The following ASIC1 variants were observed in gnomAD, a reference collection of about 807,000 sequenced individuals.
The protein encoded by ASIC1 is acid sensing ion channel subunit 1.
A neutral mutation model predicts 63.4 loss-of-function variants in ASIC1; 21 were observed. The ratio of observed to expected loss-of-function variants is 0.33; its 90% confidence interval spans 0.23 to 0.48. ASIC1 has a LOEUF of 0.48. Ranked by LOEUF, ASIC1 falls within the 20% of genes least tolerant of loss-of-function variation. The pLI, the probability that ASIC1 is intolerant of heterozygous loss-of-function variation, is 0.99. For missense variants in ASIC1, 478 were observed against 695.5 expected (o/e 0.69, Z 3.52); for synonymous variants, 258 against 278.2 (o/e 0.93, Z 0.72).
Position 50,080,166 on chromosome 12 carries a change from G to A in ASIC1, c.1205+111G>A, listed in dbSNP as rs2307081. The stretch of plus-strand genomic sequence containing the variant: ...AGGCAGGGGGAACTTGAGATAACAC[G>A]GGGAAGGTCCAAAAGGCAAGCAAAG... On this transcript the variant is annotated intron_variant, in intron 8 of 11. Transcript: ENST00000447966. The A allele has an allele frequency of 6.3e-5, 90 of 1,430,198 alleles. No individual in the cohort carries two copies. In the East Asian group the frequency reaches 1.9e-3, roughly 29 times the overall value. 88.6% of individuals were successfully genotyped at this position (1,430,198 alleles called of 1,614,324 possible).
chr12:50,063,387 G>T (rs1015463308), intron 3 of ASIC1, among the ~76,000 whole-genome samples: 17 of 152,206 alleles, frequency 1.1e-4, no homozygotes, highest in African/African-American at 4.1e-4. Context: ...TCTGCCCTAT[G>T]CCACCCCCTC....
intron 3 of ASIC1, among the ~76,000 whole-genome samples, chr12:50,063,106 G>A (rs904605961): frequency 2.0e-5 from 3 of 152,204 alleles, no homozygotes; most frequent in African/African-American, 7.2e-5. Context: ...CTTCCTGGTA[G>A]GGTGTGTTGT....
At chr12:50,073,695 A>G in intron 3 of ASIC1, 3 of 1,536,514 alleles carry the variant, frequency 2.0e-6, no homozygotes, top group Non-Finnish European at 2.6e-6. Context: ...AGGACATCTC[A>G]GAATCGGAAG....
At chr12:50,063,262 C>T (rs931207810) in intron 3 of ASIC1, among the ~76,000 whole-genome samples, 1 of 152,106 alleles carries the variant, frequency 6.6e-6, no homozygotes, top group Non-Finnish European at 1.5e-5. Flanking sequence ...TGAGCACAGT[C>T]GCAGCTGGTG....
chr12:50,081,893 C>T lies in ASIC1; in HGVS notation c.*244C>T. The T allele has an allele frequency of 1.9e-6, 1 of 526,788 alleles. No individual in the cohort carries two copies. Among genetic ancestry groups the T allele is most frequent in the Non-Finnish European group, 3.4e-6 (1 of 294,492 alleles). The allele number at this position is 526,788 out of a possible 1,614,324, so 32.6% of individuals were successfully genotyped here. On this transcript the variant is annotated 3_prime_UTR_variant, in exon 12 of 12. Coordinates refer to ENST00000447966, the MANE Select transcript of ASIC1 (RefSeq NM_001095.4). ...AAAGGGAGAACGGGGCAAGGGACCTCAGGCTGCCCCTCTCTCCTCCATGCT... is the reference window on the plus strand; with the variant it reads ...AAAGGGAGAACGGGGCAAGGGACCTTAGGCTGCCCCTCTCTCCTCCATGCT...
intron 3 of ASIC1, among the ~76,000 whole-genome samples, chr12:50,067,761 T>C (rs1406622007): frequency 1.3e-5 from 2 of 152,146 alleles, no homozygotes; most frequent in African/African-American, 2.4e-5. Context: ...CTGACAATCA[T>C]ACTCTCTTTG....
chr12:50,058,281 C>A (rs1210052740), intron 1 of ASIC1, among the ~76,000 whole-genome samples: 2 of 152,198 alleles, frequency 1.3e-5, no homozygotes, highest in African/African-American at 4.8e-5. Flanking sequence ...GGTTTTCTGG[C>A]CCCAGTTTAG....
At chr12:50,060,221 G>A (rs575718150) in intron 3 of ASIC1, among the ~76,000 whole-genome samples, 185 of 152,312 alleles carry the variant, frequency 1.2e-3, no homozygotes, top group Non-Finnish European at 1.6e-3. Context: ...ACACACGTGC[G>A]TGGTCTGGCA....
Position 50,082,327 on chromosome 12 carries a change from G to A in ASIC1, c.*678G>A, listed in dbSNP as rs1347155090. 6.5e-6 allele frequency: 1 copy of A among 152,772 alleles called. No individual in the cohort carries two copies. Among genetic ancestry groups the A allele is most frequent in the Non-Finnish European group, 1.5e-5 (1 of 68,228 alleles). The allele number at this position is 152,772 out of a possible 1,614,324, so 9.5% of individuals were successfully genotyped here. A position where few individuals can be genotyped will look rare whatever the true frequency, so the allele number is the denominator to read the frequency against. On this transcript the variant is annotated 3_prime_UTR_variant, in exon 12 of 12. Transcript: ENST00000447966. ...GTTCACCCCCACCCCACAGCTGCTG[G>A]AGAGAAATCCCAAGAGGCAGCCCTT... is the stretch of plus-strand genomic sequence containing the variant.
At chr12:50,073,447 C>A in intron 3 of ASIC1, 1 of 1,417,698 alleles carries the variant, frequency 7.1e-7, no homozygotes, top group South Asian at 1.6e-5. Context: ...GGAAGGACGG[C>A]CAGCTGGGCT....
rs1372679588 is a variant in ASIC1 at position 50,057,632 on chromosome 12, G to C, written c.-301G>C. 3 of 151,996 alleles carry C rather than the reference G, an allele frequency of 2.0e-5. No individual in the cohort carries two copies. Among genetic ancestry groups the C allele is most frequent in the Non-Finnish European group, 4.4e-5 (3 of 67,970 alleles). The allele number at this position is 151,996 out of a possible 1,614,324, so 9.4% of individuals were successfully genotyped here. On this transcript the variant is annotated 5_prime_UTR_variant, in exon 1 of 12. Coordinates refer to ENST00000447966, the MANE Select transcript of ASIC1 (RefSeq NM_001095.4). This position sits in a 1 kb window ranked among gnomAD's most constrained non-coding sequence, Gnocchi z 4.7. Reference sequence around the variant, plus strand: ...CCCGCCGCCTCCCGGCCGGACGATGGATCCCTGCAGATCCCAGGGCTGAGA... The same window carrying C: ...CCCGCCGCCTCCCGGCCGGACGATGCATCCCTGCAGATCCCAGGGCTGAGA...
In ASIC1 at chr12:50,081,281, C is replaced by G; in HGVS notation, c.1399C>G (p.Arg467Gly). Residue 467 changes from arginine (R) to glycine (G), a missense_variant, in exon 11 of 12, where the codon CGA becomes GGA. Physicochemically the swap from Arg to Gly is moderately radical, Grantham distance 125. This residue lies in a region of ASIC1 where 104 missense variants were observed against 97.0 expected (regional missense o/e 1.07). Transcript: ENST00000447966. ...AYEVIKHKLC[R>G]RGKCQKEAKR... ...CTAGGTCATTAAGCACAAGCTGTGC[C>G]GACGAGGAAAATGCCAGAAGGAGGC... 1.9e-6 allele frequency: 3 copies of G among 1,609,680 alleles called. No individual in the cohort carries two copies. The highest frequency in any genetic ancestry group is 2.5e-6 in the Non-Finnish European group (3 of 1,178,102).
intron 3 of ASIC1, among the ~76,000 whole-genome samples, chr12:50,071,532 T>C (rs1950599682): frequency 6.6e-6 from 1 of 152,044 alleles, no homozygotes; most frequent in African/African-American, 2.4e-5. Flanking sequence ...TCTGTCCACC[T>C]CGACCTCCCA....
chr12:50,081,762 C>A lies in ASIC1; in HGVS notation c.*113C>A, dbSNP rs1264268798. ...GGACTCCCCACACTCCGGGGCAGAT[C>A]TTTCCTCTTGTCTGTGGTAAGGAAG... On this transcript the variant is annotated 3_prime_UTR_variant, in exon 12 of 12. Coordinates refer to ENST00000447966, the MANE Select transcript of ASIC1 (RefSeq NM_001095.4). 1.1e-6 allele frequency: 1 copy of A among 912,282 alleles called. No homozygotes were observed. The highest frequency in any genetic ancestry group is 1.7e-6 in the Non-Finnish European group (1 of 595,020). 56.5% of individuals were successfully genotyped at this position (912,282 alleles called of 1,614,324 possible).
rs778326495 is a variant in ASIC1 at position 50,081,378 on chromosome 12, C to T, written c.1482+14C>T. On this transcript the variant is annotated intron_variant, in intron 11 of 11. Transcript: ENST00000447966. The stretch of plus-strand genomic sequence containing the variant: ...GTCAAAAGACACGTGAGGGAGCGAG[C>T]GAGGGCGCCCTCCAGCCCGCCTGTG... 1.2e-5 allele frequency: 19 copies of T among 1,572,834 alleles called. No homozygotes were observed. In the South Asian group the frequency reaches 2.2e-4, roughly 18 times the overall value.
Position 50,077,275 on chromosome 12 carries a change from G to T in ASIC1, c.621G>T (p.Leu207=). The change falls in exon 4 of 12, where the codon CTG becomes CTT. Residue 207 remains leucine, a synonymous_variant. Coordinates refer to ENST00000447966, the MANE Select transcript of ASIC1 (RefSeq NM_001095.4). Reference sequence around the variant, plus strand: ...CGGGCCGAGATGGGCGGCCGCGGCTGAAGACCATGAAGGGTGGGACGGGCA... The same window carrying T: ...CGGGCCGAGATGGGCGGCCGCGGCTTAAGACCATGAAGGGTGGGACGGGCA... ...FNSGRDGRPR[L]KTMKGGTGNG... The T allele has an allele frequency of 6.2e-7, 1 of 1,614,174 alleles. No individual in the cohort carries two copies. The highest frequency in any genetic ancestry group is 8.5e-7 in the Non-Finnish European group (1 of 1,180,006).
rs1322722379 is a variant in ASIC1, at chr12:50,074,478, CGTCT to C, written c.559-2730_559-2727del. Among the ~76,000 whole-genome samples the C allele has an allele frequency of 1.3e-5, 2 of 152,194 alleles. No homozygotes were observed. Among genetic ancestry groups the C allele is most frequent in the Non-Finnish European group, 2.9e-5 (2 of 68,034 alleles). On this transcript the variant is annotated intron_variant, in intron 3 of 11. Transcript: ENST00000447966. This position sits in a 1 kb window ranked among gnomAD's most constrained non-coding sequence, Gnocchi z 4.2. ...CTTTTCCTGTTAGAATCTTGAAACA[CGTCT>C]GTCTTAGTTGGTATTTTGCTGCTGC... is the stretch of plus-strand genomic sequence containing the variant.
At position 50,081,367 on chromosome 12, in the gene ASIC1, G is replaced by A; in HGVS notation, c.1482+3G>A. Reference sequence around the variant, plus strand: ...GCCTGGACGACGTCAAAAGACACGTGAGGGAGCGAGCGAGGGCGCCCTCCA... The same window carrying A: ...GCCTGGACGACGTCAAAAGACACGTAAGGGAGCGAGCGAGGGCGCCCTCCA... On this transcript the variant is annotated splice_donor_region_variant and intron_variant, in intron 11 of 11. Coordinates refer to ENST00000447966, the MANE Select transcript of ASIC1 (RefSeq NM_001095.4). 6.3e-7 allele frequency: 1 copy of A among 1,590,590 alleles called. No homozygotes were observed. Among genetic ancestry groups the A allele is most frequent in the Non-Finnish European group, 8.6e-7 (1 of 1,168,630 alleles).
intron 3 of ASIC1, among the ~76,000 whole-genome samples, chr12:50,065,188 C>T (rs187131240): frequency 5.3e-4 from 80 of 152,344 alleles, no homozygotes; most frequent in Admixed American, 1.0e-3. Context: ...CCCCCACCCC[C>T]AAGCTTTCCC....
Sources: gnomAD v4.1 joint callset for allele counts (sites outside exome capture counted in the v4.1 genomes callset) on GRCh38, gnomAD v4.1.1 for gene constraint, gnomAD v4.1.1 regional missense constraint, Gnocchi (gnomAD v3.1) non-coding constraint, MANE v1.5 for transcripts, NCBI Gene and HGNC (gene_info 2026-07-23, HGNC 2026-07-21) for gene names.